Variants in TAFA2 observed in about 807,000 individuals in gnomAD.
TAFA2 encodes the protein TAFA chemokine like family member 2, also known as chemokine-like protein TAFA-2.
Under a neutral mutation model 18.8 loss-of-function variants are expected in TAFA2, and 7 were observed. The observed-to-expected ratio is 0.37, with a 90% CI of 0.21 to 0.70. The LOEUF (loss-of-function observed/expected upper bound fraction) is 0.70, where lower values mean the gene tolerates loss of function less well. Ranked by LOEUF, TAFA2 falls within the 30% of genes least tolerant of loss-of-function variation. TAFA2 has a pLI of 0.53. For missense variants in TAFA2, 122 were observed against 158.1 expected, an observed-to-expected ratio of 0.77 and a Z score of 1.23; for synonymous variants, 60 against 54.2, an observed-to-expected ratio of 1.11 and a Z score of -0.47.
At chr12:62,173,055 A>G (rs2062489291) in intron 1 of TAFA2, among the ~76,000 whole-genome samples, 1 of 152,208 alleles carries the variant, frequency 6.6e-6, no homozygotes, top group South Asian at 2.1e-4. Context: ...GCATGGCCCA[A>G]TGTAGGGTAC....
At position 61,754,386 on chromosome 12, in the gene TAFA2, G is replaced by A. The variant is rs538220768; in HGVS notation, c.259+486C>T. On this transcript the variant is annotated intron_variant, in intron 3 of 4. Transcript: ENST00000416284. ...TACTATAATTAGGTGAACCCTCAAG[G>A]AAAAAAATTAATATATTATTGCATC... 9.2e-5 allele frequency among the ~76,000 whole-genome samples: 14 copies of A among 151,432 alleles called. No individual in the cohort carries two copies. The South Asian group carries it at 2.9e-3, about 32-fold the overall frequency.
chr12:62,197,479 ACTG>A (rs2062653803), upstream of TAFA2, among the ~76,000 whole-genome samples: 1 of 152,208 alleles, frequency 6.6e-6, no homozygotes, highest in Non-Finnish European at 1.5e-5. Flanking sequence ...TATACAATCA[ACTG>A]CATGTATTTA....
chr12:62,046,810 AG>A (rs1480962984), intron 1 of TAFA2, among the ~76,000 whole-genome samples: 1 of 152,154 alleles, frequency 6.6e-6, no homozygotes, highest in Non-Finnish European at 1.5e-5. Flanking sequence ...TCTGTTCATT[AG>A]GGGATGTTAT....
chr12:61,725,811 C>T (rs185404517), intron 4 of TAFA2, among the ~76,000 whole-genome samples: 2 of 152,134 alleles, frequency 1.3e-5, no homozygotes, highest in African/African-American at 4.8e-5. Context: ...AGTGAAGTAA[C>T]TCAGGAATGG....
intron 2 of TAFA2, among the ~76,000 whole-genome samples, chr12:61,856,892 G>T (rs570836501): frequency 6.6e-6 from 1 of 151,468 alleles, no homozygotes; most frequent in Non-Finnish European, 1.5e-5. Flanking sequence ...ATATGGTATG[G>T]TTAAATAATT....
rs1160242315 is a variant in TAFA2 at position 61,753,203 on chromosome 12, A to T, written c.384+419T>A. ...GAGATCAAAATAATTACTTTCATAAAACTAAAAGAATCTCAGTTAAAAAAC... is the reference window on the plus strand; with the variant it reads ...GAGATCAAAATAATTACTTTCATAATACTAAAAGAATCTCAGTTAAAAAAC... On this transcript the variant is annotated intron_variant, in intron 4 of 4. Coordinates refer to ENST00000416284, the MANE Select transcript of TAFA2 (RefSeq NM_178539.5). Among the ~76,000 whole-genome samples, 3 of 152,196 alleles carry T rather than the reference A, an allele frequency of 2.0e-5. No individual in the cohort carries two copies. The East Asian group carries it at 5.8e-4, about 30-fold the overall frequency.
intron 2 of TAFA2, among the ~76,000 whole-genome samples, chr12:61,758,666 G>C (rs994705890): frequency 6.6e-6 from 1 of 152,202 alleles, no homozygotes; most frequent in South Asian, 2.1e-4. Context: ...TACCAGGAAA[G>C]AGTGGTAGGA....
In TAFA2 at chr12:61,982,277, C is replaced by T. The variant is rs142252928; in HGVS notation, c.-1-114851G>A. Among the ~76,000 whole-genome samples, 24 of 152,080 alleles carry T rather than the reference C, an allele frequency of 1.6e-4. No individual in the cohort carries two copies. In the East Asian group the frequency reaches 3.3e-3, roughly 21 times the overall value. Reference sequence around the variant, plus strand: ...ACACAGGGCAGGGAACATCACACACCAGGGCCTGTCGTGGGGTGGGGGTCT... The same window carrying T: ...ACACAGGGCAGGGAACATCACACACTAGGGCCTGTCGTGGGGTGGGGGTCT... On this transcript the variant is annotated intron_variant, in intron 1 of 4. Coordinates refer to ENST00000416284, the MANE Select transcript of TAFA2 (RefSeq NM_178539.5).
chr12:62,248,995 C>T (rs998129179), intron 1 of TAFA2, among the ~76,000 whole-genome samples: 6 of 152,124 alleles, frequency 3.9e-5, no homozygotes, highest in African/African-American at 1.4e-4. Context: ...ATTATCAGGC[C>T]CAGACAGCAG....
At chr12:62,014,482 A>G (rs1396990416) in intron 1 of TAFA2, among the ~76,000 whole-genome samples, 2 of 152,082 alleles carry the variant, frequency 1.3e-5, no homozygotes, top group Non-Finnish European at 2.9e-5. Flanking sequence ...AAATACAAAA[A>G]TTAGCCGGGC....
intron 1 of TAFA2, among the ~76,000 whole-genome samples, chr12:62,027,430 T>A (rs989177082): frequency 2.0e-5 from 3 of 152,208 alleles, no homozygotes; most frequent in Non-Finnish European, 4.4e-5. Flanking sequence ...TCATAAAATT[T>A]AAAAATTTCT....
chr12:61,771,188 T>G (rs771309902), intron 2 of TAFA2, among the ~76,000 whole-genome samples: 8 of 151,886 alleles, frequency 5.3e-5, no homozygotes, highest in Non-Finnish European at 8.8e-5. Context: ...TAGTCCAACA[T>G]GAAACTATCA....
intron 4 of TAFA2, among the ~76,000 whole-genome samples, chr12:61,730,896 C>T (rs1870411537): frequency 6.6e-6 from 1 of 152,088 alleles, no homozygotes; most frequent in Non-Finnish European, 1.5e-5. Flanking sequence ...GTCTGTTGTG[C>T]CTTCTGTGCT....
intron 1 of TAFA2, among the ~76,000 whole-genome samples, chr12:62,254,760 A>G (rs1223352778): frequency 6.6e-6 from 1 of 152,236 alleles, no homozygotes; most frequent in Non-Finnish European, 1.5e-5. Context: ...ACACATTATA[A>G]AGAATACCTA....
intron 2 of TAFA2, among the ~76,000 whole-genome samples, chr12:61,825,896 C>T (rs978542267): frequency 5.3e-5 from 8 of 151,998 alleles, no homozygotes; most frequent in Non-Finnish European, 8.8e-5. Context: ...GACCTCCTAT[C>T]CCTATTTAAG....
intron 1 of TAFA2, among the ~76,000 whole-genome samples, chr12:61,869,506 C>T (rs1018159525): frequency 2.0e-5 from 3 of 151,998 alleles, no homozygotes; most frequent in South Asian, 2.1e-4. Context: ...TTAAAGTATT[C>T]GTGAAAAATA....
At chr12:61,759,363 G>A (rs1869428917) in intron 2 of TAFA2, among the ~76,000 whole-genome samples, 1 of 151,938 alleles carries the variant, frequency 6.6e-6, no homozygotes, top group Admixed American at 6.6e-5. Flanking sequence ...AAAGTAATAT[G>A]GGCCACTTAT....
At chr12:61,838,681 A>G (rs1287649380) in intron 2 of TAFA2, among the ~76,000 whole-genome samples, 2 of 152,060 alleles carry the variant, frequency 1.3e-5, no homozygotes, top group African/African-American at 4.8e-5. Flanking sequence ...TGATTGAAAA[A>G]TGTGCTCTTT....
At chr12:62,140,632 C>T (rs2062233662) in intron 1 of TAFA2, among the ~76,000 whole-genome samples, 1 of 152,152 alleles carries the variant, frequency 6.6e-6, no homozygotes, top group African/African-American at 2.4e-5. Flanking sequence ...AGAACTCTGC[C>T]TCACTGTCTG....
Sources: gnomAD v4.1 joint callset for allele counts (sites outside exome capture counted in the v4.1 genomes callset) on GRCh38, gnomAD v4.1.1 for gene constraint, MANE v1.5 for transcripts, NCBI Gene and HGNC (gene_info 2026-07-23, HGNC 2026-07-21) for gene names.